The following FOXP2 variants were observed in gnomAD, a reference collection of about 807,000 sequenced individuals.
FOXP2 encodes forkhead box protein P2.
In FOXP2, 12 loss-of-function variants were observed where a neutral mutation model predicts 115.8. The ratio of observed to expected loss-of-function variants is 0.10; its 90% CI spans 0.07 to 0.17. The LOEUF (loss-of-function observed/expected upper bound fraction) is 0.17. FOXP2 is among the 10% of genes least tolerant of loss of function. The pLI is 1.00. For synonymous variants in FOXP2, 328 were observed against 297.7 expected, an observed-to-expected ratio of 1.10 and a Z score of -1.05; for missense variants, 629 against 843.5, an observed-to-expected ratio of 0.75 and a Z score of 3.15.
intron 1 of FOXP2, among the ~76,000 whole-genome samples, chr7:114,426,163 A>C (rs1181861715): frequency 6.6e-6 from 1 of 151,618 alleles, no homozygotes; most frequent in Non-Finnish European, 1.5e-5. Context: ...AGGAAACAGA[A>C]CAGAGTGTGC....
chr7:114,620,656 T>C (rs932233716), intron 3 of FOXP2, among the ~76,000 whole-genome samples: 5 of 151,978 alleles, frequency 3.3e-5, no homozygotes, highest in African/African-American at 9.7e-5. Context: ...TGTGGGAAAA[T>C]AGTCTAGCCA....
At chr7:114,122,308 A>C (rs996137310) in intron 1 of FOXP2, among the ~76,000 whole-genome samples, 11 of 152,060 alleles carry the variant, frequency 7.2e-5, no homozygotes, top group South Asian at 2.1e-4. Context: ...CAAATATAGT[A>C]GAGTTTTTAA....
chr7:114,339,888 T>C (rs887992027), intron 2 of FOXP2, among the ~76,000 whole-genome samples: 8 of 151,190 alleles, frequency 5.3e-5, no homozygotes, highest in African/African-American at 1.7e-4. Flanking sequence ...GGGATTCTTA[T>C]ACTTTTTAAT....
At chr7:114,404,828 G>A (rs1242265432) in intron 2 of FOXP2, among the ~76,000 whole-genome samples, 2 of 151,878 alleles carry the variant, frequency 1.3e-5, no homozygotes, top group Non-Finnish European at 2.9e-5. Context: ...CTATCAGCTT[G>A]AACTGACCAA....
intron 2 of FOXP2, chr7:114,297,105 A>AG: frequency 2.2e-6 from 1 of 454,936 alleles, no homozygotes; most frequent in South Asian, 1.7e-5. Flanking sequence ...AGGGCAGGGC[A>AG]GGGGGCTCAG....
chr7:114,248,180 CAGAG>C (rs71314647), intron 1 of FOXP2, among the ~76,000 whole-genome samples: 9,845 of 145,858 alleles, frequency 0.067, 774 homozygotes, highest in African/African-American at 0.2. Context: ...AGCTTAAAAA[CAGAG>C]AGAGAGAGAG....
intron 2 of FOXP2, among the ~76,000 whole-genome samples, chr7:114,379,530 G>A (rs374881115): frequency 4.6e-5 from 7 of 152,098 alleles, no homozygotes; most frequent in South Asian, 4.2e-4. Flanking sequence ...AGATTTTCTC[G>A]GGAGGGGTGC....
At chr7:114,584,581 A>G (rs916415432) in intron 3 of FOXP2, among the ~76,000 whole-genome samples, 1 of 152,118 alleles carries the variant, frequency 6.6e-6, no homozygotes, top group East Asian at 1.9e-4. Flanking sequence ...TCTTTAGTCT[A>G]TGCTACTTCT....
intron 3 of FOXP2, among the ~76,000 whole-genome samples, chr7:114,613,547 T>A (rs1322795032): frequency 6.6e-6 from 1 of 151,590 alleles, no homozygotes; most frequent in Non-Finnish European, 1.5e-5. Flanking sequence ...TGGTGGCAGG[T>A]GCCTGTAGTC....
chr7:114,424,915 CT>C lies in FOXP2; in HGVS notation c.-10-1578del, dbSNP rs572070204. 1.4e-3 allele frequency among the ~76,000 whole-genome samples: 214 copies of C among 147,940 alleles called. 1 individual carries two copies. The highest frequency in any genetic ancestry group is 5.1e-3 in the African/African-American group (205 of 40,456). ...GACGTTTTTTACTAAATCAGTATGTCTTTTTTTTTAATGGACTTGATAAGAG... is the reference window on the plus strand; with the variant it reads ...GACGTTTTTTACTAAATCAGTATGTCTTTTTTTTAATGGACTTGATAAGAG... On this transcript the variant is annotated intron_variant, in intron 1 of 16. Transcript: ENST00000350908.
At position 114,690,389 on chromosome 7, in the gene FOXP2, C is replaced by T; in HGVS notation, c.*463C>T. On this transcript the variant is annotated 3_prime_UTR_variant, in exon 17 of 17. Transcript: ENST00000350908. ...AGAAACAATTGCTGGTCAAGTTCAA[C>T]TTGTTGCTATTGTTTTTAATTTGCA... The T allele has an allele frequency of 2.2e-6, 1 of 454,036 alleles. No individual in the cohort carries two copies. Among genetic ancestry groups the T allele is most frequent in the African/African-American group, 2.0e-5 (1 of 50,112 alleles). 28.1% of individuals were successfully genotyped at this position (454,036 alleles called of 1,614,324 possible).
intron 2 of FOXP2, among the ~76,000 whole-genome samples, chr7:114,522,293 G>C (rs1431710101): frequency 1.3e-5 from 2 of 152,118 alleles, no homozygotes; most frequent in African/African-American, 2.4e-5. Flanking sequence ...TAAAAAAACA[G>C]TGGATGAGGG....
intron 2 of FOXP2, among the ~76,000 whole-genome samples, chr7:114,404,010 G>A (rs1209586949): frequency 6.6e-6 from 1 of 152,098 alleles, no homozygotes; most frequent in Non-Finnish European, 1.5e-5. Context: ...ACATTCATTT[G>A]CCTTGGAGGG....
intron 2 of FOXP2, among the ~76,000 whole-genome samples, chr7:114,305,461 A>G (rs1026958223): frequency 6.6e-6 from 1 of 152,196 alleles, no homozygotes; most frequent in Non-Finnish European, 1.5e-5. Context: ...ATTCTGTAAC[A>G]GAGAAATACA....
chr7:114,527,975 C>A (rs1798953613), intron 2 of FOXP2, among the ~76,000 whole-genome samples: 2 of 152,060 alleles, frequency 1.3e-5, no homozygotes, highest in African/African-American at 2.4e-5. Context: ...CCTTATCTAT[C>A]CTTTACAACA....
chr7:114,604,407 T>C (rs1803196795), intron 3 of FOXP2, among the ~76,000 whole-genome samples: 1 of 152,188 alleles, frequency 6.6e-6, no homozygotes, highest in Non-Finnish European at 1.5e-5. Context: ...CTAAGAAAGA[T>C]ATTTGTTGTT....
intron 10 of FOXP2, chr7:114,656,536 G>C (rs1473528224): frequency 2.2e-6 from 1 of 445,802 alleles, no homozygotes; most frequent in Non-Finnish European, 4.5e-6. Flanking sequence ...GCTTACACCA[G>C]TGGCTTTGTA....
chr7:114,241,906 T>C (rs1434322118), intron 1 of FOXP2, among the ~76,000 whole-genome samples: 1 of 151,428 alleles, frequency 6.6e-6, no homozygotes, highest in African/African-American at 2.4e-5. Context: ...ACTAAAACCA[T>C]GCCCATCCTT....
At chr7:114,243,196 G>A (rs1469668227) in intron 1 of FOXP2, among the ~76,000 whole-genome samples, 3 of 147,588 alleles carry the variant, frequency 2.0e-5, no homozygotes, top group Admixed American at 6.9e-5. Context: ...ATGACTCATC[G>A]AAGCAATCAA....
Sources: gnomAD v4.1 joint callset for allele counts (sites outside exome capture counted in the v4.1 genomes callset) on GRCh38, gnomAD v4.1.1 for gene constraint, MANE v1.5 for transcripts, NCBI Gene and HGNC (gene_info 2026-07-23, HGNC 2026-07-21) for gene names.